The following ARK2C variants were observed in gnomAD, a reference collection of about 807,000 sequenced individuals.
The protein encoded by ARK2C is E3 ubiquitin-protein ligase ARK2C.
the ARK2C span, among the ~76,000 whole-genome samples, chr18:46,393,490 C>G: frequency 6.6e-6 from 1 of 152,214 alleles, no homozygotes; most frequent in South Asian, 2.1e-4. Flanking sequence ...AGGCTTCCTT[C>G]TCTTTCTGCC....
chr18:46,369,580 T>G, the ARK2C span, among the ~76,000 whole-genome samples: 1 of 152,154 alleles, frequency 6.6e-6, no homozygotes, highest in Admixed American at 6.5e-5. Flanking sequence ...GGATTCCCTA[T>G]TCCCACTCCC....
chr18:46,437,931 C>T, the ARK2C span, among the ~76,000 whole-genome samples: 1 of 152,206 alleles, frequency 6.6e-6, no homozygotes, highest in African/African-American at 2.4e-5. Context: ...TGTCCTTTCC[C>T]CTCCGGGCAA....
At chr18:46,347,198 T>C in the ARK2C span, among the ~76,000 whole-genome samples, 1 of 152,184 alleles carries the variant, frequency 6.6e-6, no homozygotes, top group Non-Finnish European at 1.5e-5. Context: ...TCCCTGCGCC[T>C]CTCCCATGTA....
chr18:46,400,905 A>C, the ARK2C span, among the ~76,000 whole-genome samples: 1 of 152,086 alleles, frequency 6.6e-6, no homozygotes, highest in Non-Finnish European at 1.5e-5. Context: ...TACCCCCTTC[A>C]GGTGTACTGG....
chr18:46,350,742 A>G, the ARK2C span, among the ~76,000 whole-genome samples: 17 of 152,220 alleles, frequency 1.1e-4, no homozygotes, highest in Admixed American at 6.5e-5. Context: ...AAGAGATCAT[A>G]TGATACTAAT....
At chr18:46,384,357 G>C in the ARK2C span, among the ~76,000 whole-genome samples, 2 of 152,146 alleles carry the variant, frequency 1.3e-5, no homozygotes, top group Non-Finnish European at 2.9e-5. Flanking sequence ...GTATGTGTGT[G>C]GGGGGGATTC....
At chr18:46,386,763 G>A in the ARK2C span, 2 of 152,220 alleles carry the variant, frequency 1.3e-5, no homozygotes, top group African/African-American at 2.4e-5. Flanking sequence ...AGGAAGAACT[G>A]GGGAGCTGGA....
the ARK2C span, among the ~76,000 whole-genome samples, chr18:46,375,347 G>A: frequency 1.3e-5 from 2 of 152,154 alleles, no homozygotes; most frequent in African/African-American, 4.8e-5. Flanking sequence ...GAGCCCAGGA[G>A]TTCAACACCA....
At chr18:46,355,831 G>T in the ARK2C span, among the ~76,000 whole-genome samples, 7 of 152,230 alleles carry the variant, frequency 4.6e-5, no homozygotes, top group Non-Finnish European at 8.8e-5. Context: ...GCACCCCTGT[G>T]CCTGGAGGAC....
At chr18:46,337,558 T>G in the ARK2C span, 2 of 985,410 alleles carry the variant, frequency 2.0e-6, no homozygotes, top group Non-Finnish European at 2.4e-6. Context: ...CCAGCCTTTT[T>G]TTTTGTATCG....
chr18:46,372,789 G>A, the ARK2C span, among the ~76,000 whole-genome samples: 1 of 152,238 alleles, frequency 6.6e-6, no homozygotes, highest in African/African-American at 2.4e-5. Context: ...TTTCGAGAGC[G>A]CCAAAATCCA....
chr18:46,340,715 G>T, the ARK2C span, among the ~76,000 whole-genome samples: 1 of 152,230 alleles, frequency 6.6e-6, no homozygotes, highest in Non-Finnish European at 1.5e-5. Flanking sequence ...TGACTGCCAT[G>T]AAACCTACCT....
chr18:46,439,706 A>T, the ARK2C span, among the ~76,000 whole-genome samples: 278 of 9,202 alleles, frequency 0.03, 3 homozygotes, highest in African/African-American at 0.24. Context: ...TTTTTTATTA[A>T]AAAAAACCCT....
the ARK2C span, among the ~76,000 whole-genome samples, chr18:46,415,993 A>G: frequency 6.6e-6 from 1 of 152,084 alleles, no homozygotes; most frequent in Non-Finnish European, 1.5e-5. Context: ...CCAGCTGGCC[A>G]CTCAGGGCTG....
At chr18:46,386,120 C>A in the ARK2C span, 1 of 152,210 alleles carries the variant, frequency 6.6e-6, no homozygotes, top group African/African-American at 2.4e-5. Context: ...GCCCATCTGT[C>A]CAGGGGCCAT....
chr18:46,354,680 G>A, the ARK2C span, among the ~76,000 whole-genome samples: 3 of 152,334 alleles, frequency 2.0e-5, no homozygotes, highest in African/African-American at 7.2e-5. Context: ...CTTGGAAACT[G>A]GGATGCGCCT....
the ARK2C span, chr18:46,334,395 G>A: frequency 7.3e-6 from 11 of 1,497,014 alleles, no homozygotes; most frequent in Non-Finnish European, 9.9e-6. This position sits in a 1 kb window ranked among gnomAD's most constrained non-coding sequence, Gnocchi z 4.4. Flanking sequence ...GCACCGGGGC[G>A]GGGGCGGGCG....
chr18:46,416,102 T>A, the ARK2C span, among the ~76,000 whole-genome samples: 2 of 152,118 alleles, frequency 1.3e-5, no homozygotes, highest in East Asian at 3.8e-4. Context: ...AACAATTGAT[T>A]TGTCTATTTG....
the ARK2C span, among the ~76,000 whole-genome samples, chr18:46,337,882 C>T: frequency 1.0e-3 from 157 of 151,756 alleles, no homozygotes; most frequent in Middle Eastern, 3.4e-3. Context: ...ATGTCTGGAG[C>T]GATAGGAGGG....
Sources: gnomAD v4.1 joint callset for allele counts (sites outside exome capture counted in the v4.1 genomes callset) on GRCh38, gnomAD v4.1.1 for gene constraint, Gnocchi (gnomAD v3.1) non-coding constraint, MANE v1.5 for transcripts, NCBI Gene and HGNC (gene_info 2026-07-23, HGNC 2026-07-21) for gene names.